ZFPM2: variants seen among roughly 807,000 people sequenced by gnomAD.
ZFPM2 encodes the protein zinc finger protein ZFPM2.
A neutral mutation model predicts 98.6 loss-of-function variants in ZFPM2; 20 were observed. The ratio of observed to expected loss-of-function variants is 0.20; its 90% CI spans 0.14 to 0.29. The LOEUF (loss-of-function observed/expected upper bound fraction) is 0.29. Among genes scored for constraint, ZFPM2 ranks in the 10% least tolerant of loss-of-function variants. The pLI is 1.00. For missense variants in ZFPM2, 1,310 were observed against 1,388.6 expected (o/e 0.94, Z 0.90); for synonymous variants, 518 against 502.7 (o/e 1.03, Z -0.41).
intron 4 of ZFPM2, among the ~76,000 whole-genome samples, chr8:105,567,416 T>C (rs1271442709): frequency 6.6e-6 from 1 of 152,156 alleles, no homozygotes; most frequent in Non-Finnish European, 1.5e-5. Context: ...CTTCCCTTCC[T>C]CTTGGTTAGG....
At chr8:105,406,764 G>T (rs550453797) in intron 1 of ZFPM2, among the ~76,000 whole-genome samples, 156 of 152,006 alleles carry the variant, frequency 1.0e-3, no homozygotes, top group African/African-American at 3.6e-3. Context: ...TCAAACTTTC[G>T]GCATGAATAT....
intron 1 of ZFPM2, among the ~76,000 whole-genome samples, chr8:105,405,454 G>A (rs1439923702): frequency 2.5e-5 from 3 of 118,528 alleles, no homozygotes; most frequent in African/African-American, 3.4e-5. Context: ...AACAGTCCCT[G>A]GTGTGTGATG....
At chr8:105,710,356 G>T (rs1420235241) in intron 5 of ZFPM2, among the ~76,000 whole-genome samples, 1 of 152,082 alleles carries the variant, frequency 6.6e-6, no homozygotes, top group African/African-American at 2.4e-5. Context: ...TTAGAAGGAG[G>T]GGGATATATG....
intron 1 of ZFPM2, among the ~76,000 whole-genome samples, chr8:105,347,661 A>C (rs931042425): frequency 6.6e-6 from 1 of 152,164 alleles, no homozygotes; most frequent in African/African-American, 2.4e-5. Context: ...ATTTACAGAC[A>C]TGGCATATGT....
intron 1 of ZFPM2, among the ~76,000 whole-genome samples, chr8:105,393,363 TTTCTTTCTTTC>T (rs1811153525): frequency 9.5e-6 from 1 of 104,816 alleles, no homozygotes; most frequent in Non-Finnish European, 1.9e-5. Flanking sequence ...TCTTTCTTTC[TTTCTTTCTTTC>T]TTTCTTTCTT....
chr8:105,448,772 T>C (rs1357935817), intron 3 of ZFPM2, among the ~76,000 whole-genome samples: 1 of 152,050 alleles, frequency 6.6e-6, no homozygotes, highest in African/African-American at 2.4e-5. Context: ...TTGAAAGAGA[T>C]GATATTTACA....
chr8:105,376,755 T>G (rs183665005), intron 1 of ZFPM2, among the ~76,000 whole-genome samples: 52 of 152,330 alleles, frequency 3.4e-4, no homozygotes, highest in African/African-American at 1.2e-3. Context: ...CTGTCCAGTT[T>G]TAGTACAGAT....
At chr8:105,380,851 A>ATATATATAATATATAATATATATGT (rs1810865763) in intron 1 of ZFPM2, among the ~76,000 whole-genome samples, 1 of 66,554 alleles carries the variant, frequency 1.5e-5, no homozygotes, top group Non-Finnish European at 2.6e-5. Flanking sequence ...ATATATTATA[A>ATATATATAATATATAATATATATGT]TATATATAAT....
chr8:105,400,269 T>C (rs1811311638), intron 1 of ZFPM2, among the ~76,000 whole-genome samples: 1 of 151,880 alleles, frequency 6.6e-6, no homozygotes, highest in African/African-American at 2.4e-5. Flanking sequence ...TTTATTTTAT[T>C]TTTTTTATTA....
At chr8:105,545,707 T>C (rs1201855022) in intron 3 of ZFPM2, among the ~76,000 whole-genome samples, 1 of 152,178 alleles carries the variant, frequency 6.6e-6, no homozygotes, top group Non-Finnish European at 1.5e-5. Flanking sequence ...TTATAAGTAC[T>C]TAGTAAATGC....
At chr8:105,359,346 CTTTTCT>C (rs1190163991) in intron 1 of ZFPM2, among the ~76,000 whole-genome samples, 52 of 148,818 alleles carry the variant, frequency 3.5e-4, no homozygotes, top group African/African-American at 1.1e-3. Flanking sequence ...GTATTTCTTT[CTTTTCT>C]TTTTCTTTTT....
intron 3 of ZFPM2, among the ~76,000 whole-genome samples, chr8:105,550,532 C>A (rs1187669759): frequency 6.6e-6 from 1 of 152,058 alleles, no homozygotes; most frequent in Non-Finnish European, 1.5e-5. Context: ...TTTTTACTTC[C>A]TATAGCCCTA....
intron 5 of ZFPM2, among the ~76,000 whole-genome samples, chr8:105,772,134 A>G (rs998260519): frequency 6.6e-6 from 1 of 152,176 alleles, no homozygotes; most frequent in Non-Finnish European, 1.5e-5. Flanking sequence ...TTAAAGGTTA[A>G]GACCACTGTT....
chr8:105,494,183 G>GTGTATATATATA (rs1491126096), intron 3 of ZFPM2, among the ~76,000 whole-genome samples: 1 of 59,978 alleles, frequency 1.7e-5, no homozygotes, highest in African/African-American at 5.1e-5. Flanking sequence ...GCCACCAAAA[G>GTGTATATATATA]TATATATATA....
chr8:105,552,856 A>T (rs986811622), intron 3 of ZFPM2, among the ~76,000 whole-genome samples: 6 of 139,696 alleles, frequency 4.3e-5, no homozygotes, highest in Admixed American at 3.9e-4. Flanking sequence ...TGGCTCTGTC[A>T]CCCAGGCTGG....
intron 2 of ZFPM2, among the ~76,000 whole-genome samples, chr8:105,437,262 G>A (rs1002460588): frequency 2.6e-5 from 4 of 151,990 alleles, no homozygotes; most frequent in African/African-American, 4.8e-5. Flanking sequence ...TTAAATACTC[G>A]GCAATACTTA....
intron 3 of ZFPM2, among the ~76,000 whole-genome samples, chr8:105,450,482 G>C (rs1402715679): frequency 1.3e-5 from 2 of 152,114 alleles, no homozygotes; most frequent in Non-Finnish European, 2.9e-5. Flanking sequence ...GTGAGAAGCG[G>C]AGGAAATCCT....
At chr8:105,773,363 G>A (rs1813026345) in intron 5 of ZFPM2, among the ~76,000 whole-genome samples, 1 of 152,018 alleles carries the variant, frequency 6.6e-6, no homozygotes, top group African/African-American at 2.4e-5. Context: ...TTCAGATAAG[G>A]AAAGGGTTGA....
intron 4 of ZFPM2, chr8:105,616,612 TA>T: frequency 3.3e-6 from 1 of 306,186 alleles, no homozygotes. Context: ...GGTATAAGTC[TA>T]AGTGATTTAT....
Sources: allele counts gnomAD v4.1 joint callset (sites outside exome capture counted in the v4.1 genomes callset), GRCh38; gene constraint gnomAD v4.1.1; transcripts MANE v1.5; gene names NCBI Gene and HGNC (gene_info 2026-07-23, HGNC 2026-07-21).